The following SCAF1 variants were observed in gnomAD, a reference collection of about 807,000 sequenced individuals.
SCAF1 encodes the protein SR-related CTD associated factor 1.
SCAF1 carries 28 observed loss-of-function variants against 91.2 expected under a neutral mutation model. That is an observed-to-expected ratio of 0.31 (90% CI 0.23 to 0.42). SCAF1 has a LOEUF of 0.42. Among genes scored for constraint, SCAF1 ranks in the 10% least tolerant of loss-of-function variants. The pLI, the probability that SCAF1 is intolerant of heterozygous loss-of-function variation, is 1.00. For synonymous variants in SCAF1, 1,036 were observed against 833.7 expected (o/e 1.24, Z -4.18); for missense variants, 1,893 against 1,872.1 (o/e 1.01, Z -0.21).
intron 6 of SCAF1, 137 bp from the exon 7 acceptor site, chr19:49,650,731 G>A (rs972773662): frequency 3.2e-6 from 2 of 629,150 alleles, no homozygotes; most frequent in Non-Finnish European, 5.6e-6. Flanking sequence ...AGCATCCTAC[G>A]GCTGGCTCCT....
At chr19:49,654,205 C>G in intron 7 of SCAF1, 144 bp from the exon 8 acceptor site, 1 of 681,270 alleles carries the variant, frequency 1.5e-6, no homozygotes, top group South Asian at 1.9e-5. Context: ...GCCAAGGCCC[C>G]CTTTTCCCAG....
chr19:49,658,576 C>CA lies in SCAF1; in HGVS notation c.*177_*178insA, dbSNP rs1335475273. 3.3e-6 allele frequency: 2 copies of CA among 610,556 alleles called. No individual in the cohort carries two copies. The highest frequency in any genetic ancestry group is 5.8e-6 in the Non-Finnish European group (2 of 345,294). The allele number at this position is 610,556 out of a possible 1,614,324, so 37.8% of individuals were successfully genotyped here. On this transcript the variant is annotated 3_prime_UTR_variant, in exon 11 of 11. Transcript: ENST00000360565. ...CCACCTCCCTTGCCCCCAAGCCTGTCCCCAGTGCCCCTCCCTTCTGTTTGT... is the reference window on the plus strand; with the variant it reads ...CCACCTCCCTTGCCCCCAAGCCTGTCACCCAGTGCCCCTCCCTTCTGTTTGT...
rs773296402 is a variant in SCAF1 at position 49,654,859 on chromosome 19, G to T, written c.3607G>T (p.Asp1203Tyr). 9 of 1,598,112 alleles carry T rather than the reference G, an allele frequency of 5.6e-6. No homozygotes were observed. The highest frequency in any genetic ancestry group is 7.7e-6 in the Non-Finnish European group (9 of 1,170,254). Residue 1203 changes from aspartate (D) to tyrosine (Y), a missense_variant, in exon 9 of 11, where the codon GAC becomes TAC. By Grantham distance (160) the Asp-to-Tyr change is radical. Coordinates refer to ENST00000360565, the MANE Select transcript of SCAF1 (RefSeq NM_021228.3). ...EGSSSSEGRGDTDKYLKKLHT... is the reference protein window; with the variant it reads ...EGSSSSEGRGYTDKYLKKLHT... ...CAGCAGCAGCTCTGAGGGCCGTGGGGACACAGATAAGGTGAGCTGGCCTGG... is the reference window on the plus strand; with the variant it reads ...CAGCAGCAGCTCTGAGGGCCGTGGGTACACAGATAAGGTGAGCTGGCCTGG...
intron 1 of SCAF1, chr19:49,644,731 T>C (rs1244375739): frequency 1.1e-5 from 3 of 267,120 alleles, no homozygotes; most frequent in South Asian, 6.5e-5. Context: ...GCTGCGGGAA[T>C]TGAGGAGTGA....
At chr19:49,644,282 A>G (rs1296151899) in intron 1 of SCAF1, among the ~76,000 whole-genome samples, 1 of 152,222 alleles carries the variant, frequency 6.6e-6, no homozygotes, top group Non-Finnish European at 1.5e-5. Flanking sequence ...TTGATGGATG[A>G]TCTTTCAACT....
At chr19:49,655,153 A>C (rs1599832204) in intron 9 of SCAF1, among the ~76,000 whole-genome samples, 1 of 152,020 alleles carries the variant, frequency 6.6e-6, no homozygotes, top group South Asian at 2.1e-4. Flanking sequence ...GCTGCAGCCC[A>C]CCCCTTGATT....
In SCAF1 at chr19:49,646,329, A is replaced by G. The variant is rs115794796; in HGVS notation, c.261+127A>G. ...GGCTCTGCGATGCTGACCAGGGGCA[A>G]TGTTGGAGAGTCTGGGGGCCTGATC... On this transcript the variant is annotated intron_variant, in intron 4 of 10. Transcript: ENST00000360565. This position sits in a 1 kb window ranked among gnomAD's most constrained non-coding sequence, Gnocchi z 5.6. 1,095 of 914,278 alleles carry G rather than the reference A, an allele frequency of 1.2e-3. 7 individuals carry two copies. The African/African-American group carries it at 0.016, about 13-fold the overall frequency. 56.6% of individuals were successfully genotyped at this position (914,278 alleles called of 1,614,324 possible).
rs747078581 is a variant in SCAF1, at chr19:49,653,063, C to T, written c.2674C>T (p.Pro892Ser). Residue 892 changes from proline (P) to serine (S), a missense_variant, in exon 7 of 11, where the codon CCG becomes TCG. Pro to Ser is a moderately conservative substitution (Grantham distance 74). Coordinates refer to ENST00000360565, the MANE Select transcript of SCAF1 (RefSeq NM_021228.3). Reference protein sequence around the residue: ...RAPTEMAKAAPGSTKPKKTKV... With the variant: ...RAPTEMAKAASGSTKPKKTKV... Reference sequence around the variant, plus strand: ...CCCCACTGAGATGGCCAAAGCAGCTCCGGGCAGCACCAAGCCCAAAAAGAC... The same window carrying T: ...CCCCACTGAGATGGCCAAAGCAGCTTCGGGCAGCACCAAGCCCAAAAAGAC... The T allele has an allele frequency of 5.6e-6, 9 of 1,613,778 alleles. No individual in the cohort carries two copies. Among genetic ancestry groups the T allele is most frequent in the Non-Finnish European group, 7.6e-6 (9 of 1,179,862 alleles).
rs1373284206 is a variant in SCAF1, at chr19:49,651,624, C to T, written c.1235C>T (p.Pro412Leu). The change falls in exon 7 of 11, where the codon CCC becomes CTC. Residue 412 changes from proline (P) to leucine (L), a missense_variant. Physicochemically the swap from Pro to Leu is moderately conservative, Grantham distance 98. Transcript: ENST00000360565. ...EPRLALSLFRPGGRAARPTPA... is the reference protein window; with the variant it reads ...EPRLALSLFRLGGRAARPTPA... ...AGGCTGGCGCTGTCCCTCTTCCGCCCCGGCGGCCGGGCCGCCCGGCCTACA... is the reference window on the plus strand; with the variant it reads ...AGGCTGGCGCTGTCCCTCTTCCGCCTCGGCGGCCGGGCCGCCCGGCCTACA... 5 of 1,456,750 alleles carry T rather than the reference C, an allele frequency of 3.4e-6. No individual in the cohort carries two copies. The highest frequency in any genetic ancestry group is 1.5e-5 in the African/African-American group (1 of 67,720). The allele number at this position is 1,456,750 out of a possible 1,614,324, so 90.2% of individuals were successfully genotyped here.
rs371801810 is a variant in SCAF1, at chr19:49,652,440, G to T, written c.2051G>T (p.Gly684Val). 4 of 1,601,072 alleles carry T rather than the reference G, an allele frequency of 2.5e-6. No homozygotes were observed. The highest frequency in any genetic ancestry group is 3.4e-6 in the Non-Finnish European group (4 of 1,177,858). Residue 684 changes from glycine (G) to valine (V), a missense_variant, in exon 7 of 11, where the codon GGG (glycine) becomes GTG (valine). Physicochemically the swap from Gly to Val is moderately radical, Grantham distance 109. Transcript: ENST00000360565. Reference protein sequence around the residue: ...SCGDRDSRRRGAVPPSIQDLT... With the variant: ...SCGDRDSRRRVAVPPSIQDLT... Reference sequence around the variant, plus strand: ...GGTGACCGCGACAGCCGCCGCCGGGGGGCCGTGCCACCCTCCATCCAGGAC... The same window carrying T: ...GGTGACCGCGACAGCCGCCGCCGGGTGGCCGTGCCACCCTCCATCCAGGAC...
chr19:49,653,623 C>G lies in SCAF1; in HGVS notation c.3234C>G (p.Val1078=). The G allele has an allele frequency of 6.3e-7, 1 of 1,588,044 alleles. No individual in the cohort carries two copies. The highest frequency in any genetic ancestry group is 8.5e-7 in the Non-Finnish European group (1 of 1,172,200). ...SGAEDGPASR[V]SQLPTLPPPM... ...CGGAGGACGGGCCAGCTTCCCGTGTCTCCCAGCTGCCCACGTTGCCCCCGC... is the reference window on the plus strand; with the variant it reads ...CGGAGGACGGGCCAGCTTCCCGTGTGTCCCAGCTGCCCACGTTGCCCCCGC... The change falls in exon 7 of 11, where the codon GTC becomes GTG. Residue 1078 remains valine (V), a synonymous_variant. Coordinates refer to ENST00000360565, the MANE Select transcript of SCAF1 (RefSeq NM_021228.3).
At chr19:49,643,276 C>T (rs761955078) in intron 1 of SCAF1, among the ~76,000 whole-genome samples, 1 of 152,042 alleles carries the variant, frequency 6.6e-6, no homozygotes, top group Non-Finnish European at 1.5e-5. Context: ...CCATGTTGAC[C>T]GTGATCTGCA....
At chr19:49,656,462 C>T (rs2081139957) in intron 9 of SCAF1, among the ~76,000 whole-genome samples, 1 of 152,228 alleles carries the variant, frequency 6.6e-6, no homozygotes, top group Non-Finnish European at 1.5e-5. Context: ...CTTTGATAGT[C>T]ACCTGGCTTG....
At chr19:49,647,104 G>C (rs779383563) in intron 6 of SCAF1, among the ~76,000 whole-genome samples, 1 of 152,240 alleles carries the variant, frequency 6.6e-6, no homozygotes, top group Non-Finnish European at 1.5e-5. Flanking sequence ...CTCCCCAGGA[G>C]GGGGACTCTT....
At chr19:49,655,122 A>G (rs1487400807) in intron 9 of SCAF1, among the ~76,000 whole-genome samples, 1 of 152,150 alleles carries the variant, frequency 6.6e-6, no homozygotes, top group Non-Finnish European at 1.5e-5. Flanking sequence ...ACATATACAC[A>G]CCCTGGAAGA....
chr19:49,657,922 C>T (rs769184425), intron 10 of SCAF1, 33 bp downstream of exon 10: 23 of 1,604,500 alleles, frequency 1.4e-5, no homozygotes, highest in Admixed American at 1.7e-5. Flanking sequence ...AGACACAGGC[C>T]GGGGAGAGAA....
rs1468730908 is a variant in SCAF1 at position 49,646,166 on chromosome 19, C to T, written c.225C>T (p.Pro75=). Residue 75 remains proline, a synonymous_variant, in exon 4 of 11, where the codon CCC becomes CCT. Coordinates refer to ENST00000360565, the MANE Select transcript of SCAF1 (RefSeq NM_021228.3). This position sits in a 1 kb window ranked among gnomAD's most constrained non-coding sequence, Gnocchi z 5.6. The stretch of plus-strand genomic sequence containing the variant: ...GCTGCCGGAGTCCACGGTCAGAGCC[C>T]CGTTCCCAGGAATCAGGGGGCACTG... ...WRRCRSPRSE[P]RSQESGGTDT... 6.2e-7 allele frequency: 1 copy of T among 1,611,038 alleles called. No individual in the cohort carries two copies. The highest frequency in any genetic ancestry group is 1.1e-5 in the South Asian group (1 of 91,040).
chr19:49,646,605 G>A lies in SCAF1; in HGVS notation c.341G>A (p.Arg114His), dbSNP rs199544813. ...CCCCCGGATACCTGGGTTCCCAGCCGCCTGGACCTGCGGCCTGGCGAGTGA... is the reference window on the plus strand; with the variant it reads ...CCCCCGGATACCTGGGTTCCCAGCCACCTGGACCTGCGGCCTGGCGAGTGA... ...LDPPDTWVPS[R>H]LDLRPGESED... The change falls in exon 5 of 11, where the codon CGC becomes CAC. Residue 114 changes from arginine (R) to histidine (H), a missense_variant. Around this residue, in one of 5 missense-constraint regions of SCAF1, gnomAD observed 270 missense variants for 292.5 expected, o/e 0.92. Coordinates refer to ENST00000360565, the MANE Select transcript of SCAF1 (RefSeq NM_021228.3). The surrounding 1 kb of genome is among the most constrained non-coding windows in gnomAD (Gnocchi z 5.6). 1.3e-4 allele frequency: 202 copies of A among 1,614,100 alleles called. No individual in the cohort carries two copies. Among genetic ancestry groups the A allele is most frequent in the Admixed American group, 6.8e-4 (41 of 60,030 alleles).
At position 49,657,880 on chromosome 19, in the gene SCAF1, C is replaced by A. The variant is rs754907754; in HGVS notation, c.3738C>A (p.Ala1246=). ...AGTACAAGGACATCCTGAGGAAGGCCGTCCACAAGGTGGGCACCCGGAGAG... is the reference window on the plus strand; with the variant it reads ...AGTACAAGGACATCCTGAGGAAGGCAGTCCACAAGGTGGGCACCCGGAGAG... ...KEEYKDILRK[A]VHKICHSKSG... Residue 1246 remains alanine, a synonymous_variant, in exon 10 of 11, where the codon GCC becomes GCA. Transcript: ENST00000360565. 2 of 1,611,082 alleles carry A rather than the reference C, an allele frequency of 1.2e-6. No homozygotes were observed. Among genetic ancestry groups the A allele is most frequent in the African/African-American group, 1.3e-5 (1 of 74,878 alleles).
Sources: allele counts gnomAD v4.1 joint callset (sites outside exome capture counted in the v4.1 genomes callset), GRCh38; gene constraint gnomAD v4.1.1; regional missense constraint gnomAD v4.1.1; non-coding constraint Gnocchi (gnomAD v3.1); transcripts MANE v1.5; gene names NCBI Gene and HGNC (gene_info 2026-07-23, HGNC 2026-07-21).